TMEM108: variants seen among roughly 807,000 people sequenced by gnomAD.
TMEM108 encodes transmembrane protein 108.
In TMEM108, 12 loss-of-function variants were observed where a neutral mutation model predicts 35.1. The observed-to-expected ratio is 0.34, with a 90% CI of 0.22 to 0.55. The LOEUF is 0.55. Ranked by LOEUF, TMEM108 falls within the 20% of genes least tolerant of loss-of-function variation. The pLI is 0.89. For synonymous variants in TMEM108, 287 were observed against 308.6 expected (o/e 0.93, Z 0.73); for missense variants, 680 against 753.3 (o/e 0.90, Z 1.14).
chr3:133,302,278 C>T (rs1018018968), intron 3 of TMEM108, among the ~76,000 whole-genome samples: 15 of 152,140 alleles, frequency 9.9e-5, no homozygotes, highest in African/African-American at 2.4e-4. Flanking sequence ...TGCGCGTGCA[C>T]GGGTGTGCAC....
At chr3:133,147,981 G>A (rs912482708) in intron 2 of TMEM108, among the ~76,000 whole-genome samples, 2 of 152,108 alleles carry the variant, frequency 1.3e-5, no homozygotes, top group Non-Finnish European at 2.9e-5. Flanking sequence ...CTATGGTGCT[G>A]GATTAAAGTT....
intron 2 of TMEM108, among the ~76,000 whole-genome samples, chr3:133,225,042 ATTTT>A (rs11347955): frequency 1.5e-4 from 17 of 112,926 alleles, no homozygotes; most frequent in Admixed American, 1.9e-4. Flanking sequence ...AAACCTCCTA[ATTTT>A]TTTTTTTTTT....
chr3:133,249,552 C>T (rs777895744), intron 3 of TMEM108, among the ~76,000 whole-genome samples: 6 of 152,160 alleles, frequency 3.9e-5, no homozygotes, highest in Non-Finnish European at 8.8e-5. Flanking sequence ...TAAGTGAGAA[C>T]ATGTGCCATT....
intron 3 of TMEM108, among the ~76,000 whole-genome samples, chr3:133,285,783 G>T (rs1317009803): frequency 1.3e-5 from 2 of 152,168 alleles, no homozygotes; most frequent in East Asian, 1.9e-4. Context: ...CCTGCCTCCA[G>T]ACTGGGCGCC....
intron 3 of TMEM108, among the ~76,000 whole-genome samples, chr3:133,281,143 A>G (rs994945028): frequency 6.6e-6 from 1 of 152,208 alleles, no homozygotes; most frequent in Non-Finnish European, 1.5e-5. Context: ...ACCAGAGTCA[A>G]ACACAACGAA....
intron 3 of TMEM108, among the ~76,000 whole-genome samples, chr3:133,279,252 G>A (rs1427381968): frequency 6.6e-6 from 1 of 152,180 alleles, no homozygotes; most frequent in African/African-American, 2.4e-5. Context: ...TCACTGTGGT[G>A]TACGACAATC....
chr3:133,248,736 C>T (rs1467046368), intron 3 of TMEM108: 1 of 152,190 alleles, frequency 6.6e-6, no homozygotes, highest in Non-Finnish European at 1.5e-5. Context: ...GCTGAGGAAT[C>T]TGTAGCTCAT....
intron 3 of TMEM108, among the ~76,000 whole-genome samples, chr3:133,305,477 C>A (rs2071018895): frequency 1.3e-5 from 2 of 151,644 alleles, no homozygotes; most frequent in South Asian, 4.2e-4. Flanking sequence ...AACTAACCTG[C>A]ACAATGTGCA....
At chr3:133,144,477 GGT>G (rs1944687368) in intron 2 of TMEM108, among the ~76,000 whole-genome samples, 1 of 152,062 alleles carries the variant, frequency 6.6e-6, no homozygotes, top group African/African-American at 2.4e-5. Flanking sequence ...TAATCCTTTG[GGT>G]ATATATCCAG....
intron 1 of TMEM108, among the ~76,000 whole-genome samples, chr3:133,042,466 C>T (rs1374643762): frequency 6.6e-6 from 1 of 152,146 alleles, no homozygotes; most frequent in East Asian, 1.9e-4. Context: ...ACTTTTATCA[C>T]CTGAGATTGA....
At chr3:133,043,246 A>G (rs1371023482) in intron 1 of TMEM108, among the ~76,000 whole-genome samples, 1 of 152,106 alleles carries the variant, frequency 6.6e-6, no homozygotes, top group African/African-American at 2.4e-5. Context: ...TATACATTTC[A>G]CACATAATTC....
intron 2 of TMEM108, among the ~76,000 whole-genome samples, chr3:133,116,406 TG>T (rs35534898): frequency 0.042 from 6,379 of 151,948 alleles, 189 homozygotes; most frequent in Non-Finnish European, 0.069. Flanking sequence ...GAGTTTATTT[TG>T]GTGCAAAAAA....
At chr3:133,218,393 T>G (rs181862400) in intron 2 of TMEM108, among the ~76,000 whole-genome samples, 1 of 152,174 alleles carries the variant, frequency 6.6e-6, no homozygotes, top group East Asian at 1.9e-4. Context: ...TGCCTTTTAT[T>G]TCTTTCTCTT....
At chr3:133,062,764 C>T (rs1287602718) in intron 2 of TMEM108, among the ~76,000 whole-genome samples, 1 of 152,174 alleles carries the variant, frequency 6.6e-6, no homozygotes, top group African/African-American at 2.4e-5. Context: ...TGCCAATCAC[C>T]TAAGCAATGT....
rs559421114 is a variant in TMEM108 at position 133,156,784 on chromosome 3, A to G, written c.-46-72482A>G. Among the ~76,000 whole-genome samples the G allele has an allele frequency of 2.6e-5, 4 of 152,236 alleles. 1 individual carries two copies. Among genetic ancestry groups the G allele is most frequent in the African/African-American group, 9.6e-5 (4 of 41,548 alleles). ...ATGGCCATGTGTCTTACTCTGGCCAATGAAATGTGGGCCCAAGTGGATATA... is the reference window on the plus strand; with the variant it reads ...ATGGCCATGTGTCTTACTCTGGCCAGTGAAATGTGGGCCCAAGTGGATATA... On this transcript the variant is annotated intron_variant, in intron 2 of 5. Coordinates refer to ENST00000321871, the MANE Select transcript of TMEM108 (RefSeq NM_023943.4).
chr3:133,174,169 A>G (rs868229810), intron 2 of TMEM108, among the ~76,000 whole-genome samples: 41 of 152,250 alleles, frequency 2.7e-4, no homozygotes, highest in African/African-American at 7.2e-4. Flanking sequence ...CAGGTAATCA[A>G]AGCAGCCGGG....
chr3:133,191,635 C>T (rs1375453884), intron 2 of TMEM108, among the ~76,000 whole-genome samples: 1 of 152,184 alleles, frequency 6.6e-6, no homozygotes, highest in Admixed American at 6.5e-5. Flanking sequence ...AAAATATTCT[C>T]TCGTCAATCT....
At chr3:133,170,434 G>C (rs906272498) in intron 2 of TMEM108, among the ~76,000 whole-genome samples, 2 of 152,096 alleles carry the variant, frequency 1.3e-5, no homozygotes, top group African/African-American at 4.8e-5. Context: ...TCTCAGCTAA[G>C]GTATGAGTGA....
intron 2 of TMEM108, among the ~76,000 whole-genome samples, chr3:133,051,220 T>C: frequency 6.6e-6 from 1 of 152,092 alleles, no homozygotes; most frequent in Non-Finnish European, 1.5e-5. Flanking sequence ...AAATGTGTAA[T>C]GATAGCTCAG....
Sources: allele counts gnomAD v4.1 joint callset (sites outside exome capture counted in the v4.1 genomes callset), GRCh38; gene constraint gnomAD v4.1.1; transcripts MANE v1.5; gene names NCBI Gene and HGNC (gene_info 2026-07-23, HGNC 2026-07-21).